Variants in CSNK2A2 observed in about 807,000 individuals in gnomAD.
CSNK2A2 encodes casein kinase 2 alpha 2.
CSNK2A2 carries 8 observed loss-of-function variants against 54.0 expected under a neutral mutation model. The ratio of observed to expected loss-of-function variants is 0.15; its 90% CI spans 0.09 to 0.27. CSNK2A2 has a LOEUF of 0.27. Ranked by LOEUF, CSNK2A2 falls within the 10% of genes least tolerant of loss-of-function variation. The pLI, the probability that CSNK2A2 is intolerant of heterozygous loss-of-function variation, is 1.00. For synonymous variants in CSNK2A2, 141 were observed against 153.9 expected (o/e 0.92, Z 0.62); for missense variants, 242 against 439.4 (o/e 0.55, Z 4.02).
At chr16:58,158,556 T>C (rs1961219990) in intron 11 of CSNK2A2, among the ~76,000 whole-genome samples, 1 of 152,182 alleles carries the variant, frequency 6.6e-6, no homozygotes, top group Non-Finnish European at 1.5e-5. Flanking sequence ...ATGACAGAGA[T>C]GGTCTCTAGC....
At chr16:58,179,428 G>A (rs559811052) in intron 4 of CSNK2A2, among the ~76,000 whole-genome samples, 5 of 152,050 alleles carry the variant, frequency 3.3e-5, no homozygotes, top group Non-Finnish European at 7.4e-5. Flanking sequence ...TTGAACCCAG[G>A]AGGCGGAGGT....
Position 58,197,673 on chromosome 16 carries a change from G to T in CSNK2A2, c.64C>A (p.Arg22Ser). The change falls in exon 1 of 12, where the codon CGC becomes AGC. Residue 22 changes from arginine to serine, a missense_variant. Physicochemically the swap from Arg to Ser is moderately radical, Grantham distance 110 (BLOSUM62 -1). Transcript: ENST00000262506. This position sits in a 1 kb window ranked among gnomAD's most constrained non-coding sequence, Gnocchi z 4.0. Reference protein sequence around the residue: ...VYAEVNSLRSREYWDYEAHVP... With the variant: ...VYAEVNSLRSSEYWDYEAHVP... ...TGAGCCTCGTAGTCCCAGTACTCGCGGCTCCTCAGACTGTTCACCTCGGCG... is the reference window on the plus strand; with the variant it reads ...TGAGCCTCGTAGTCCCAGTACTCGCTGCTCCTCAGACTGTTCACCTCGGCG... The T allele has an allele frequency of 6.3e-7, 1 of 1,578,278 alleles. No individual in the cohort carries two copies. The highest frequency in any genetic ancestry group is 8.6e-7 in the Non-Finnish European group (1 of 1,165,292).
At position 58,174,474 on chromosome 16, in the gene CSNK2A2, A is replaced by T; in HGVS notation, c.406T>A (p.Phe136Ile). ...YQILTDFDIR[F>I]YMYELLKALD... ...ACTTTAAGTAGTTCATACATATAAA[A>T]CCGGATATCAAAGTCTGTCAGGATC... is the stretch of plus-strand genomic sequence containing the variant. The change falls in exon 5 of 12, where the codon TTT becomes ATT. Residue 136 changes from phenylalanine to isoleucine, a missense_variant. Transcript: ENST00000262506. The T allele has an allele frequency of 6.2e-7, 1 of 1,612,760 alleles. No individual in the cohort carries two copies. Among genetic ancestry groups the T allele is most frequent in the Non-Finnish European group, 8.5e-7 (1 of 1,179,500 alleles).
intron 4 of CSNK2A2, among the ~76,000 whole-genome samples, chr16:58,176,965 A>T (rs1386764952): frequency 6.6e-6 from 1 of 152,200 alleles, no homozygotes; most frequent in African/African-American, 2.4e-5. Context: ...AGAAATGGGT[A>T]CAGTGGCTGG....
chr16:58,196,184 T>C (rs943592484), intron 2 of CSNK2A2, among the ~76,000 whole-genome samples: 1 of 152,224 alleles, frequency 6.6e-6, no homozygotes, highest in Non-Finnish European at 1.5e-5. Flanking sequence ...TTTGGAATTT[T>C]TGCTTTAGGG....
intron 2 of CSNK2A2, among the ~76,000 whole-genome samples, chr16:58,196,381 A>T (rs1336012622): frequency 6.6e-6 from 1 of 150,500 alleles, no homozygotes; most frequent in Non-Finnish European, 1.5e-5. Context: ...GAGGCCTGCA[A>T]GGAGTCCTTT....
In CSNK2A2 at chr16:58,197,589, G is replaced by C; in HGVS notation, c.104+44C>G. On this transcript the variant is annotated intron_variant, in intron 1 of 11. Coordinates refer to ENST00000262506, the MANE Select transcript of CSNK2A2 (RefSeq NM_001896.4). This position sits in a 1 kb window ranked among gnomAD's most constrained non-coding sequence, Gnocchi z 4.0. ...CGGTTCGCAGGGGGTGGCCGGGCGG[G>C]GGCAGGGATCAGCGGGCCCGGCGGG... 3 of 1,387,034 alleles carry C rather than the reference G, an allele frequency of 2.2e-6. No homozygotes were observed. The highest frequency in any genetic ancestry group is 2.9e-6 in the Non-Finnish European group (3 of 1,017,288). 85.9% of individuals were successfully genotyped at this position (1,387,034 alleles called of 1,614,324 possible). A position where few individuals can be genotyped will look rare whatever the true frequency, so the allele number is the denominator to read the frequency against.
At chr16:58,177,846 T>C (rs982999570) in intron 4 of CSNK2A2, among the ~76,000 whole-genome samples, 1 of 152,176 alleles carries the variant, frequency 6.6e-6, no homozygotes, top group Admixed American at 6.5e-5. Context: ...AGTTTAAGAA[T>C]TGTTTACATG....
Position 58,174,568 on chromosome 16 carries a change from T to G in CSNK2A2, c.370-58A>C, listed in dbSNP as rs1359635714. 2.9e-6 allele frequency: 4 copies of G among 1,389,230 alleles called. No individual in the cohort carries two copies. The East Asian group carries it at 6.9e-5, about 24-fold the overall frequency. 86.1% of individuals were successfully genotyped at this position (1,389,230 alleles called of 1,614,324 possible). The stretch of plus-strand genomic sequence containing the variant: ...TTAGTCTCACTGCATCTTGTCATCC[T>G]AAGTGCAGGCCATTCTCTAAGCTTA... On this transcript the variant is annotated intron_variant, in intron 4 of 11. Coordinates refer to ENST00000262506, the MANE Select transcript of CSNK2A2 (RefSeq NM_001896.4).
At chr16:58,176,050 T>C (rs1050512309) in intron 4 of CSNK2A2, among the ~76,000 whole-genome samples, 5 of 152,312 alleles carry the variant, frequency 3.3e-5, no homozygotes, top group Admixed American at 2.0e-4. Flanking sequence ...CACTGACAGC[T>C]TGAATGTAAA....
chr16:58,165,678 G>A lies in CSNK2A2; in HGVS notation c.858C>T (p.Ile286=). Residue 286 remains isoleucine (I), a synonymous_variant, in exon 10 of 12, where the codon ATC becomes ATT. Coordinates refer to ENST00000262506, the MANE Select transcript of CSNK2A2 (RefSeq NM_001896.4). ...TGACAAGGTGTCTGTTCTCACTATGGATAAAGTTTTCCCAGCGTTTCCGTG... is the reference window on the plus strand; with the variant it reads ...TGACAAGGTGTCTGTTCTCACTATGAATAAAGTTTTCCCAGCGTTTCCGTG... ...QHSRKRWENF[I]HSENRHLVSP... The A allele has an allele frequency of 6.2e-7, 1 of 1,611,584 alleles. No individual in the cohort carries two copies. The highest frequency in any genetic ancestry group is 1.3e-5 in the African/African-American group (1 of 74,870).
At chr16:58,171,257 G>A (rs1468850609) in intron 5 of CSNK2A2, among the ~76,000 whole-genome samples, 2 of 152,106 alleles carry the variant, frequency 1.3e-5, no homozygotes, top group African/African-American at 4.8e-5. Flanking sequence ...AGGCGTGGTG[G>A]CTCACGCCTG....
At position 58,167,308 on chromosome 16, in the gene CSNK2A2, TC is replaced by T; in HGVS notation, c.625-1del. 1 of 1,608,222 alleles carries T rather than the reference TC, an allele frequency of 6.2e-7. No individual in the cohort carries two copies. On this transcript the variant is annotated splice_acceptor_variant, in intron 7 of 11. Transcript: ENST00000262506. LOFTEE classifies it high-confidence loss of function. ...CACATGTCCAAGCTATAATCATACATCTGAGGCAATAAGGACAACGCATTAG... is the reference window on the plus strand; with the variant it reads ...CACATGTCCAAGCTATAATCATACATTGAGGCAATAAGGACAACGCATTAG...
At chr16:58,195,841 T>C (rs553924395) in intron 2 of CSNK2A2, among the ~76,000 whole-genome samples, 1 of 152,368 alleles carries the variant, frequency 6.6e-6, no homozygotes, top group African/African-American at 2.4e-5. Context: ...TTAGTAATTA[T>C]ACATGAACTC....
At chr16:58,159,755 C>CAAACAGAAGG (rs1026934171) in intron 11 of CSNK2A2, 1 of 152,190 alleles carries the variant, frequency 6.6e-6, no homozygotes, top group African/African-American at 2.4e-5. Flanking sequence ...TGCTTTTCTG[C>CAAACAGAAGG]AAACAGAAGG....
At chr16:58,174,230 A>T (rs1961816646) in intron 5 of CSNK2A2, 1 of 452,310 alleles carries the variant, frequency 2.2e-6, no homozygotes, top group East Asian at 3.8e-5. Flanking sequence ...TCTAAGGTAT[A>T]ATGTCCCTGG....
At chr16:58,170,440 C>G (rs761939313) in intron 5 of CSNK2A2, among the ~76,000 whole-genome samples, 1 of 152,080 alleles carries the variant, frequency 6.6e-6, no homozygotes, top group African/African-American at 2.4e-5. Flanking sequence ...CCACTACTAG[C>G]TGATGGACAT....
rs531045850 is a variant in CSNK2A2 at position 58,184,135 on chromosome 16, C to A, written c.369+125G>T. 1.8e-4 allele frequency: 122 copies of A among 686,316 alleles called. No homozygotes were observed. The Middle Eastern group carries it at 2.8e-3, about 16-fold the overall frequency. The allele number at this position is 686,316 out of a possible 1,614,324, so 42.5% of individuals were successfully genotyped here. A position where few individuals can be genotyped will look rare whatever the true frequency, so the allele number is the denominator to read the frequency against. On this transcript the variant is annotated intron_variant, in intron 4 of 11. Coordinates refer to ENST00000262506, the MANE Select transcript of CSNK2A2 (RefSeq NM_001896.4). ...ATCCTGCACTCATGCCTTAAGGAACCCAATTTGTTATTTCCTCCTCTCACC... is the reference window on the plus strand; with the variant it reads ...ATCCTGCACTCATGCCTTAAGGAACACAATTTGTTATTTCCTCCTCTCACC...
At chr16:58,165,048 A>G (rs537551126) in intron 10 of CSNK2A2, among the ~76,000 whole-genome samples, 1 of 152,322 alleles carries the variant, frequency 6.6e-6, no homozygotes, top group South Asian at 2.1e-4. Flanking sequence ...GAATAAGCAA[A>G]CACGCAAAGT....
Sources: allele counts gnomAD v4.1 joint callset (sites outside exome capture counted in the v4.1 genomes callset), GRCh38; gene constraint gnomAD v4.1.1; non-coding constraint Gnocchi (gnomAD v3.1); transcripts MANE v1.5; gene names NCBI Gene and HGNC (gene_info 2026-07-23, HGNC 2026-07-21).